The following SLC24A4 variants were observed in gnomAD, a reference collection of about 807,000 sequenced individuals.
SLC24A4 encodes sodium/potassium/calcium exchanger 4.
In SLC24A4, 53 loss-of-function variants were observed where a neutral mutation model predicts 79.0. The observed-to-expected ratio is 0.67, with a 90% CI of 0.54 to 0.84. The LOEUF (loss-of-function observed/expected upper bound fraction) is 0.84, where lower values mean the gene tolerates loss of function less well. Among genes scored for constraint, SLC24A4 ranks in the 40% least tolerant of loss-of-function variants. The pLI is 0.00. For synonymous variants in SLC24A4, 323 were observed against 323.8 expected (o/e 1.00, Z 0.03); for missense variants, 731 against 822.0 (o/e 0.89, Z 1.35).
chr14:92,382,290 T>C (rs1391422478), intron 2 of SLC24A4, among the ~76,000 whole-genome samples: 1 of 152,198 alleles, frequency 6.6e-6, no homozygotes, highest in East Asian at 1.9e-4. Context: ...TATATATGTT[T>C]CTCTGGCTCT....
At chr14:92,366,602 C>G (rs900534190) in intron 2 of SLC24A4, among the ~76,000 whole-genome samples, 2 of 152,266 alleles carry the variant, frequency 1.3e-5, no homozygotes, top group South Asian at 2.1e-4. Context: ...GAAATAATAC[C>G]CTTCGCTTTG....
At chr14:92,452,278 G>A (rs1893184615) in intron 10 of SLC24A4, 1 of 152,392 alleles carries the variant, frequency 6.6e-6, no homozygotes, top group Non-Finnish European at 1.5e-5. Context: ...GTAGGATGGA[G>A]CCTGAAGCTG....
chr14:92,491,171 T>G (rs188054823), intron 14 of SLC24A4, among the ~76,000 whole-genome samples: 128 of 152,226 alleles, frequency 8.4e-4, no homozygotes, highest in African/African-American at 2.1e-3. Flanking sequence ...AAATAATGAG[T>G]ATATTTATCC....
chr14:92,366,328 G>A (rs1408280226), intron 2 of SLC24A4, among the ~76,000 whole-genome samples: 1 of 152,182 alleles, frequency 6.6e-6, no homozygotes, highest in Non-Finnish European at 1.5e-5. Flanking sequence ...GAGGTGACGG[G>A]GTTGGAGTCC....
intron 2 of SLC24A4, among the ~76,000 whole-genome samples, chr14:92,409,414 G>A (rs530079394): frequency 5.9e-5 from 9 of 152,350 alleles, no homozygotes; most frequent in Admixed American, 2.0e-4. Flanking sequence ...AAAAGGCAGC[G>A]CATTCAGTGT....
Position 92,471,725 on chromosome 14 carries a change from G to T in SLC24A4, c.1256-10955G>T, listed in dbSNP as rs144610540. Among the ~76,000 whole-genome samples, 105 of 152,182 alleles carry T rather than the reference G, an allele frequency of 6.9e-4. 2 individuals are homozygous for T. In the East Asian group the frequency reaches 0.019, roughly 28 times the overall value. The stretch of plus-strand genomic sequence containing the variant: ...GCTTGACTCTCATACCCACCCAGAC[G>T]TCAAGGAAAGGAGTCAGCCCCTGTC... On this transcript the variant is annotated intron_variant, in intron 12 of 16. Transcript: ENST00000532405.
chr14:92,376,614 G>A (rs1888517527), intron 2 of SLC24A4, among the ~76,000 whole-genome samples: 4 of 152,252 alleles, frequency 2.6e-5, no homozygotes, highest in Non-Finnish European at 2.9e-5. Flanking sequence ...GCTGAGAGGC[G>A]GCAAGTGTGC....
At chr14:92,472,853 G>T (rs1336706890) in intron 12 of SLC24A4, among the ~76,000 whole-genome samples, 1 of 152,154 alleles carries the variant, frequency 6.6e-6, no homozygotes, top group Non-Finnish European at 1.5e-5. Context: ...GTTCTTTAAG[G>T]AATCTCCACA....
intron 12 of SLC24A4, chr14:92,462,449 G>A (rs1893869344): frequency 6.6e-6 from 1 of 152,100 alleles, no homozygotes; most frequent in East Asian, 1.9e-4. Context: ...CCAGGCTGGA[G>A]TGTAGTGGCA....
At chr14:92,356,776 T>G (rs1887205674) in intron 2 of SLC24A4, among the ~76,000 whole-genome samples, 2 of 152,184 alleles carry the variant, frequency 1.3e-5, no homozygotes, top group Non-Finnish European at 1.5e-5. Flanking sequence ...TAGGACACCA[T>G]TCAGTTCTCT....
chr14:92,489,499 C>A (rs1211123814), intron 14 of SLC24A4, among the ~76,000 whole-genome samples: 1 of 152,120 alleles, frequency 6.6e-6, no homozygotes, highest in Non-Finnish European at 1.5e-5. Context: ...GCTGTACAAA[C>A]CAGGAGGCTG....
At chr14:92,385,902 G>A (rs757181074) in intron 2 of SLC24A4, among the ~76,000 whole-genome samples, 9 of 152,214 alleles carry the variant, frequency 5.9e-5, no homozygotes, top group Non-Finnish European at 1.0e-4. Context: ...GAGAGGTAAG[G>A]TGAGTGGGCG....
chr14:92,469,763 A>G (rs954333104), intron 12 of SLC24A4, among the ~76,000 whole-genome samples: 1 of 152,350 alleles, frequency 6.6e-6, no homozygotes, highest in Non-Finnish European at 1.5e-5. Flanking sequence ...GATAGATGCT[A>G]CAATATGGAT....
At chr14:92,369,768 C>T (rs574032871) in intron 2 of SLC24A4, among the ~76,000 whole-genome samples, 1 of 152,226 alleles carries the variant, frequency 6.6e-6, no homozygotes, top group Admixed American at 6.5e-5. Context: ...ATCCCTGGCT[C>T]CTACCTGCTA....
intron 12 of SLC24A4, 38 bp downstream of exon 12, chr14:92,456,646 T>C: frequency 2.5e-6 from 4 of 1,598,696 alleles, no homozygotes; most frequent in African/African-American, 1.3e-5. Context: ...GGCTACATTT[T>C]TGGGGGCTCC....
intron 9 of SLC24A4, 47 bp from the exon 10 acceptor site, chr14:92,449,027 G>A (rs760075618): frequency 3.1e-6 from 5 of 1,607,864 alleles, no homozygotes; most frequent in Non-Finnish European, 4.3e-6. Context: ...CCCAGTTGGT[G>A]GGACTCCTTT....
At chr14:92,445,178 G>A (rs1161112120) in intron 7 of SLC24A4, 139 bp from the exon 8 acceptor site, 3 of 929,140 alleles carry the variant, frequency 3.2e-6, no homozygotes, top group Non-Finnish European at 5.3e-6. Flanking sequence ...GCCCGTAGGT[G>A]AGCAGCTCAG....
chr14:92,400,375 G>C (rs780052028), intron 2 of SLC24A4, among the ~76,000 whole-genome samples: 8 of 149,470 alleles, frequency 5.4e-5, no homozygotes, highest in African/African-American at 7.5e-5. Context: ...GGAGGCAGAG[G>C]TTGCAGTGAG....
At chr14:92,492,959 A>ACACACACAC in intron 16 of SLC24A4, 1 of 297,434 alleles carries the variant, frequency 3.4e-6, no homozygotes, top group Non-Finnish European at 6.6e-6. Context: ...CTCTACCCCA[A>ACACACACAC]ACACACACAC....
Sources: gnomAD v4.1 joint callset for allele counts (sites outside exome capture counted in the v4.1 genomes callset) on GRCh38, gnomAD v4.1.1 for gene constraint, MANE v1.5 for transcripts, NCBI Gene and HGNC (gene_info 2026-07-23, HGNC 2026-07-21) for gene names.